Variants in ZSCAN25 observed in about 807,000 individuals in gnomAD.
ZSCAN25 encodes zinc finger and SCAN domain containing 25.
Under a neutral mutation model 38.7 loss-of-function variants are expected in ZSCAN25, and 27 were observed. The observed-to-expected ratio is 0.70, with a 90% confidence interval of 0.51 to 0.96. The LOEUF (loss-of-function observed/expected upper bound fraction) is 0.96, where lower values mean the gene tolerates loss of function less well. Ranked by LOEUF, ZSCAN25 falls within the 40% of genes least tolerant of loss-of-function variation. ZSCAN25 has a pLI of 0.00. For missense variants in ZSCAN25, 637 were observed against 705.9 expected, an observed-to-expected ratio of 0.90 and a Z score of 1.11; for synonymous variants, 273 against 277.7, an observed-to-expected ratio of 0.98 and a Z score of 0.17.
chr7:99,635,655 C>T (rs1808244746), downstream of ZSCAN25, among the ~76,000 whole-genome samples: 1 of 152,106 alleles, frequency 6.6e-6, no homozygotes, highest in Non-Finnish European at 1.5e-5. Context: ...ATAGCAATCA[C>T]TTGATGTATA....
chr7:99,617,779 TAAAG>T (rs1458287748), intron 1 of ZSCAN25, among the ~76,000 whole-genome samples: 1 of 151,982 alleles, frequency 6.6e-6, no homozygotes, highest in Non-Finnish European at 1.5e-5. Context: ...TGGGGGGAGA[TAAAG>T]AATAGCAATG....
At chr7:99,666,848 G>C in the ZSCAN25 span, 1 of 1,579,686 alleles carries the variant, frequency 6.3e-7, no homozygotes, top group African/African-American at 1.4e-5. Flanking sequence ...TAGGAAGCTC[G>C]AACTCAGTGG....
the ZSCAN25 span, chr7:99,717,203 C>G: frequency 6.2e-7 from 1 of 1,613,940 alleles, no homozygotes; most frequent in East Asian, 2.2e-5. Context: ...GCTTGCCTGT[C>G]TCTGCTTCCC....
chr7:99,696,263 A>G, the ZSCAN25 span, among the ~76,000 whole-genome samples: 1 of 149,156 alleles, frequency 6.7e-6, no homozygotes, highest in East Asian at 2.0e-4. Flanking sequence ...TTCTGCAGTG[A>G]TGATGAGATT....
At chr7:99,623,126 G>A (rs910183725) in intron 6 of ZSCAN25, among the ~76,000 whole-genome samples, 1 of 152,172 alleles carries the variant, frequency 6.6e-6, no homozygotes, top group Non-Finnish European at 1.5e-5. Flanking sequence ...TCTTACAACT[G>A]TTACAGATAG....
At chr7:99,624,428 C>G in intron 7 of ZSCAN25, 1 of 519,248 alleles carries the variant, frequency 1.9e-6, no homozygotes, top group East Asian at 3.3e-5. Flanking sequence ...ATGAGGACCC[C>G]CAAACACCTA....
chr7:99,725,013 T>C, the ZSCAN25 span, among the ~76,000 whole-genome samples: 2 of 152,114 alleles, frequency 1.3e-5, no homozygotes, highest in Admixed American at 1.3e-4. Context: ...ATCAGGGCAG[T>C]TCCCCAAGAG....
At chr7:99,677,205 C>T in the ZSCAN25 span, 1 of 985,282 alleles carries the variant, frequency 1.0e-6, no homozygotes, top group African/African-American at 1.7e-5. Context: ...TCCTTGCAGA[C>T]CTTCCCCCTC....
At chr7:99,705,273 A>G in the ZSCAN25 span, 2 of 471,640 alleles carry the variant, frequency 4.2e-6, no homozygotes, top group Non-Finnish European at 7.5e-6. Flanking sequence ...GAGAAGCCAA[A>G]TCTACTTCCC....
the ZSCAN25 span, chr7:99,652,544 G>C: frequency 6.3e-7 from 1 of 1,591,706 alleles, no homozygotes; most frequent in Non-Finnish European, 8.6e-7. Context: ...TTTCCCTGGA[G>C]ACTTGTACCT....
At chr7:99,715,501 G>T in the ZSCAN25 span, 3 of 509,766 alleles carry the variant, frequency 5.9e-6, no homozygotes, top group Non-Finnish European at 1.0e-5. Context: ...CAAATCTATA[G>T]ATGCAGAAAG....
the ZSCAN25 span, chr7:99,648,515 CTT>C: frequency 1.3e-5 from 9 of 698,322 alleles, no homozygotes; most frequent in East Asian, 5.6e-5. Flanking sequence ...AAAAACGACT[CTT>C]AACACCATGT....
the ZSCAN25 span, among the ~76,000 whole-genome samples, chr7:99,702,255 A>G: frequency 6.6e-6 from 1 of 151,952 alleles, no homozygotes; most frequent in East Asian, 1.9e-4. Context: ...ATGCCCAGCT[A>G]ACTTTTGTAT....
Position 99,630,476 on chromosome 7 carries a change from C to T in ZSCAN25, c.*456C>T. ...TATTGAACATCCTCTGAGCACCTGG[C>T]CGTGGGAATGCCGTGGTGAATGAGA... On this transcript the variant is annotated 3_prime_UTR_variant, in exon 8 of 8. Coordinates refer to ENST00000394152, the MANE Select transcript of ZSCAN25 (RefSeq NM_145115.3). The T allele has an allele frequency of 1.0e-6, 1 of 996,942 alleles. No homozygotes were observed. Among genetic ancestry groups the T allele is most frequent in the Non-Finnish European group, 1.2e-6 (1 of 837,210 alleles). The allele number at this position is 996,942 out of a possible 1,614,324, so 61.8% of individuals were successfully genotyped here.
At chr7:99,660,630 A>C in the ZSCAN25 span, 6 of 1,613,928 alleles carry the variant, frequency 3.7e-6, no homozygotes, top group Middle Eastern at 1.7e-4. Context: ...AAGATTATTG[A>C]CTGGGCTGCG....
chr7:99,671,951 T>C, the ZSCAN25 span: 1 of 677,824 alleles, frequency 1.5e-6, no homozygotes, highest in Non-Finnish European at 2.7e-6. Context: ...GTAAAACTGG[T>C]GAAATCTGAA....
chr7:99,655,335 A>G, the ZSCAN25 span, among the ~76,000 whole-genome samples: 1 of 152,210 alleles, frequency 6.6e-6, no homozygotes, highest in Non-Finnish European at 1.5e-5. Flanking sequence ...TTAAATAGGG[A>G]ATCCTTTCCC....
At chr7:99,714,700 C>A in the ZSCAN25 span, 2 of 1,606,762 alleles carry the variant, frequency 1.2e-6, no homozygotes, top group Non-Finnish European at 1.7e-6. Context: ...AAAAAAAAAC[C>A]AACAGAAAAC....
chr7:99,713,599 A>AGC, the ZSCAN25 span: 2 of 1,609,422 alleles, frequency 1.2e-6, no homozygotes, highest in Non-Finnish European at 1.7e-6. Context: ...GTTAATCAGA[A>AGC]GTGCAGTCCT....
Sources: gnomAD v4.1 joint callset for allele counts (sites outside exome capture counted in the v4.1 genomes callset) on GRCh38, gnomAD v4.1.1 for gene constraint, MANE v1.5 for transcripts, NCBI Gene and HGNC (gene_info 2026-07-23, HGNC 2026-07-21) for gene names.